Variants in GALNT13 observed in about 807,000 individuals in gnomAD.
The protein encoded by GALNT13 is polypeptide N-acetylgalactosaminyltransferase 13, also known as UDP-GalNAc:polypeptide N-acetylgalactosaminyltransferase 13.
In GALNT13, 28 loss-of-function variants were observed where a neutral mutation model predicts 64.2. The ratio of observed to expected loss-of-function variants is 0.44; its 90% CI spans 0.32 to 0.60. The LOEUF (loss-of-function observed/expected upper bound fraction) is 0.60, where lower values mean the gene tolerates loss of function less well. GALNT13 is among the 20% of genes least tolerant of loss of function. The pLI, the probability that GALNT13 is intolerant of heterozygous loss-of-function variation, is 0.05. For missense variants in GALNT13, 577 were observed against 669.8 expected (o/e 0.86, Z 1.53); for synonymous variants, 214 against 224.6 (o/e 0.95, Z 0.42).
chr2:153,965,125 A>G (rs1032955840), intron 3 of GALNT13, among the ~76,000 whole-genome samples: 3 of 152,204 alleles, frequency 2.0e-5, no homozygotes, highest in African/African-American at 7.2e-5. Flanking sequence ...TGATACAAGC[A>G]TACAATGTTT....
chr2:154,438,792 A>G (rs2105471338), intron 12 of GALNT13, 66 bp downstream of exon 12: 7 of 1,298,816 alleles, frequency 5.4e-6, no homozygotes, highest in Admixed American at 2.1e-5. Flanking sequence ...TCAACATTCA[A>G]CATTTAAATC....
chr2:153,621,118 G>A, the GALNT13 span, among the ~76,000 whole-genome samples: 2 of 150,404 alleles, frequency 1.3e-5, no homozygotes, highest in Non-Finnish European at 3.0e-5. Flanking sequence ...AACAGAGTCC[G>A]TCTCTCTCTC....
chr2:153,871,438 ATC>A (rs573980492), upstream of GALNT13, among the ~76,000 whole-genome samples: 163 of 152,224 alleles, frequency 1.1e-3, no homozygotes, highest in Admixed American at 2.4e-3. Flanking sequence ...ACCCCGCAGC[ATC>A]TCTCGGCTGG....
the GALNT13 span, among the ~76,000 whole-genome samples, chr2:153,428,502 C>T: frequency 6.6e-6 from 1 of 152,288 alleles, no homozygotes; most frequent in South Asian, 2.1e-4. Flanking sequence ...GCCCCACCTT[C>T]AACACTGGGG....
At chr2:154,264,801 A>C (rs1324594078) in intron 8 of GALNT13, among the ~76,000 whole-genome samples, 3 of 151,900 alleles carry the variant, frequency 2.0e-5, no homozygotes, top group African/African-American at 7.2e-5. Context: ...AAGAAAAAAA[A>C]AAAAAAGAGG....
the GALNT13 span, among the ~76,000 whole-genome samples, chr2:153,740,257 C>T: frequency 1.1e-4 from 17 of 151,960 alleles, no homozygotes; most frequent in Non-Finnish European, 2.4e-4. Context: ...TGACACAAGT[C>T]CCTGAGGCAC....
chr2:153,345,342 A>G, the GALNT13 span, among the ~76,000 whole-genome samples: 7 of 152,218 alleles, frequency 4.6e-5, no homozygotes, highest in East Asian at 1.2e-3. Context: ...ACCAAGAAGC[A>G]GGGAGAACCT....
chr2:153,116,391 CTG>C, the GALNT13 span, among the ~76,000 whole-genome samples: 1 of 152,062 alleles, frequency 6.6e-6, no homozygotes, highest in Non-Finnish European at 1.5e-5. Context: ...GACTAGAACA[CTG>C]AATATATATT....
At chr2:153,602,596 A>G in the GALNT13 span, among the ~76,000 whole-genome samples, 1 of 151,848 alleles carries the variant, frequency 6.6e-6, no homozygotes, top group African/African-American at 2.4e-5. Context: ...GAGAGTTCTT[A>G]GTGTAAAAAA....
At chr2:153,804,495 G>C in the GALNT13 span, among the ~76,000 whole-genome samples, 1 of 152,026 alleles carries the variant, frequency 6.6e-6, no homozygotes, top group Non-Finnish European at 1.5e-5. Flanking sequence ...TCTAACAAAG[G>C]GGAATGAGTG....
the GALNT13 span, among the ~76,000 whole-genome samples, chr2:153,227,419 T>C: frequency 6.6e-6 from 1 of 152,042 alleles, no homozygotes; most frequent in African/African-American, 2.4e-5. Flanking sequence ...GGAGTGGAGA[T>C]GAAGACCATT....
At chr2:153,793,651 CT>C in the GALNT13 span, among the ~76,000 whole-genome samples, 4 of 39,350 alleles carry the variant, frequency 1.0e-4, no homozygotes, top group African/African-American at 1.9e-4. Context: ...TGTTATTTTG[CT>C]TTAAAAAAAA....
At chr2:153,652,037 G>A in the GALNT13 span, among the ~76,000 whole-genome samples, 3 of 152,198 alleles carry the variant, frequency 2.0e-5, no homozygotes, top group African/African-American at 4.8e-5. Flanking sequence ...TTAGAACTCA[G>A]GATAGAGCAG....
the GALNT13 span, among the ~76,000 whole-genome samples, chr2:153,602,942 A>G: frequency 3.3e-5 from 5 of 151,906 alleles, no homozygotes; most frequent in African/African-American, 9.7e-5. Flanking sequence ...ATGGGTCTCA[A>G]TTCAACACAA....
the GALNT13 span, among the ~76,000 whole-genome samples, chr2:153,367,829 A>G: frequency 1.3e-5 from 2 of 152,108 alleles, no homozygotes; most frequent in African/African-American, 4.8e-5. Context: ...TAAAAAATCA[A>G]CGTAAGAGAG....
At chr2:154,189,283 T>C (rs772031833) in intron 4 of GALNT13, among the ~76,000 whole-genome samples, 5 of 152,108 alleles carry the variant, frequency 3.3e-5, no homozygotes, top group Non-Finnish European at 5.9e-5. Context: ...GATAATGTTA[T>C]GGACTGAATG....
the GALNT13 span, among the ~76,000 whole-genome samples, chr2:153,491,913 C>T: frequency 6.6e-6 from 1 of 151,994 alleles, no homozygotes; most frequent in Non-Finnish European, 1.5e-5. Flanking sequence ...CTACCATGCC[C>T]GGCCGTATTA....
chr2:153,897,018 T>G (rs569835160), intron 1 of GALNT13, among the ~76,000 whole-genome samples: 46 of 152,302 alleles, frequency 3.0e-4, no homozygotes, highest in South Asian at 4.1e-4. Flanking sequence ...GTGCTTTCTC[T>G]CTATGTGCTC....
the GALNT13 span, among the ~76,000 whole-genome samples, chr2:153,082,974 G>A: frequency 2.6e-5 from 4 of 151,556 alleles, no homozygotes; most frequent in African/African-American, 9.7e-5. Context: ...GATTACAGGT[G>A]CACACCACCA....
Sources: allele counts gnomAD v4.1 joint callset (sites outside exome capture counted in the v4.1 genomes callset), GRCh38; gene constraint gnomAD v4.1.1; transcripts MANE v1.5; gene names NCBI Gene and HGNC (gene_info 2026-07-23, HGNC 2026-07-21).